ZNF529: variants seen among roughly 807,000 people sequenced by gnomAD.
The protein encoded by ZNF529 is zinc finger protein 529.
A neutral mutation model predicts 10.1 loss-of-function variants in ZNF529; 11 were observed. The observed-to-expected ratio is 1.09, with a 90% CI of 0.69 to 1.81. The LOEUF is 1.81. Among genes scored for constraint, ZNF529 ranks in the 40% most tolerant of loss-of-function variants. ZNF529 has a pLI of 0.00. For synonymous variants in ZNF529, 204 were observed against 215.7 expected (o/e 0.95, Z 0.47); for missense variants, 624 against 666.8 (o/e 0.94, Z 0.71).
At chr19:36,552,418 C>T (rs7343133) in intron 4 of ZNF529, among the ~76,000 whole-genome samples, 31,189 of 151,988 alleles carry the variant, frequency 0.21, 3,284 homozygotes, top group Middle Eastern at 0.25. Context: ...CAGAGCGAGA[C>T]TGTCTCAAAA....
intron 2 of ZNF529, among the ~76,000 whole-genome samples, chr19:36,558,967 A>T (rs938922742): frequency 2.0e-5 from 3 of 151,992 alleles, no homozygotes; most frequent in Admixed American, 2.0e-4. Context: ...AAAAATAAGC[A>T]AAGAACCTGA....
chr19:36,561,242 T>C (rs1472175807), intron 2 of ZNF529, among the ~76,000 whole-genome samples: 4 of 152,172 alleles, frequency 2.6e-5, no homozygotes, highest in Non-Finnish European at 5.9e-5. Context: ...GCTGCCGTAG[T>C]TGTGGCTCCA....
chr19:36,567,237 AATAGAGG>A (rs1368657116), intron 2 of ZNF529, among the ~76,000 whole-genome samples: 1 of 152,190 alleles, frequency 6.6e-6, no homozygotes, highest in Non-Finnish European at 1.5e-5. Flanking sequence ...AATCTAATGA[AATAGAGG>A]AAAGAACAGT....
At chr19:36,587,012 C>G (rs571253379) in intron 2 of ZNF529, among the ~76,000 whole-genome samples, 1 of 152,172 alleles carries the variant, frequency 6.6e-6, no homozygotes, top group Non-Finnish European at 1.5e-5. Context: ...CGCCGGTAAT[C>G]CCAACACTTT....
chr19:36,565,221 G>A (rs2145830756), intron 2 of ZNF529, among the ~76,000 whole-genome samples: 1 of 152,106 alleles, frequency 6.6e-6, no homozygotes, highest in Middle Eastern at 3.4e-3. Context: ...ACCTGCAAAT[G>A]TACCCCCTGA....
rs960720411 is a variant in ZNF529, at chr19:36,545,870, TG to T, written c.*995del. ...GAATGATAAATTTTAAGAGACTTACTGGGTGAGTAGTTTTATCAAATATTTA... is the reference window on the plus strand; with the variant it reads ...GAATGATAAATTTTAAGAGACTTACTGGTGAGTAGTTTTATCAAATATTTA... On this transcript the variant is annotated 3_prime_UTR_variant, in exon 5 of 5. Transcript: ENST00000591340. The T allele has an allele frequency of 3.3e-5, 5 of 152,004 alleles. No individual in the cohort carries two copies. The highest frequency in any genetic ancestry group is 7.4e-5 in the Non-Finnish European group (5 of 67,998). The allele number at this position is 152,004 out of a possible 1,614,324, so 9.4% of individuals were successfully genotyped here.
At chr19:36,554,824 G>T in intron 3 of ZNF529, 28 bp from the exon 4 acceptor site, 1 of 1,490,254 alleles carries the variant, frequency 6.7e-7, no homozygotes, top group Non-Finnish European at 9.0e-7. Context: ...TACATTACAG[G>T]TAAAATTTAA....
At position 36,548,196 on chromosome 19, in the gene ZNF529, T is replaced by C. The variant is rs779073459; in HGVS notation, c.362A>G (p.Asn121Ser). 33 of 1,613,924 alleles carry C rather than the reference T, an allele frequency of 2.0e-5. No individual in the cohort carries two copies. The highest frequency in any genetic ancestry group is 1.7e-4 in the Middle Eastern group (1 of 6,060). ...LCGLEGSIFR[N>S]DWQSKSKIDL... ...AATCTTGCTTTTGCTTTGCCAGTCATTTCTGAAAATGGAACCTTCAAGGCC... is the reference window on the plus strand; with the variant it reads ...AATCTTGCTTTTGCTTTGCCAGTCACTTCTGAAAATGGAACCTTCAAGGCC... The change falls in exon 5 of 5, where the codon AAT (asparagine) becomes AGT (serine). Residue 121 changes from asparagine (N) to serine (S), a missense_variant. By Grantham distance (46) the Asn-to-Ser change is conservative (BLOSUM62 1). Coordinates refer to ENST00000591340, the MANE Select transcript of ZNF529 (RefSeq NM_020951.5).
chr19:36,593,325 G>A (rs942293022), intron 1 of ZNF529, among the ~76,000 whole-genome samples: 1 of 152,028 alleles, frequency 6.6e-6, no homozygotes, highest in African/African-American at 2.4e-5. Context: ...ACAGGCATGC[G>A]CCACCTCACC....
At chr19:36,604,037 G>A (rs1323868580) in intron 1 of ZNF529, among the ~76,000 whole-genome samples, 1 of 152,052 alleles carries the variant, frequency 6.6e-6, no homozygotes, top group Non-Finnish European at 1.5e-5. Flanking sequence ...AAAATGAGCC[G>A]GGCATGGTGG....
chr19:36,603,126 C>T (rs946872345), intron 1 of ZNF529, among the ~76,000 whole-genome samples: 15 of 152,110 alleles, frequency 9.9e-5, no homozygotes, highest in Non-Finnish European at 2.1e-4. Context: ...ACCATTCAAA[C>T]GATCTCCTAT....
intron 2 of ZNF529, among the ~76,000 whole-genome samples, chr19:36,570,568 A>G (rs1411322404): frequency 6.6e-6 from 1 of 152,116 alleles, no homozygotes; most frequent in Non-Finnish European, 1.5e-5. Context: ...TGCCCTATGC[A>G]ACTTTTCCCT....
intron 2 of ZNF529, among the ~76,000 whole-genome samples, chr19:36,559,075 A>G (rs976405002): frequency 2.0e-5 from 3 of 152,162 alleles, no homozygotes; most frequent in Non-Finnish European, 4.4e-5. Context: ...CAAAACCACA[A>G]TGAAATATCA....
chr19:36,591,829 C>T (rs562924245), intron 1 of ZNF529, among the ~76,000 whole-genome samples: 188 of 152,026 alleles, frequency 1.2e-3, no homozygotes, highest in African/African-American at 4.4e-3. Flanking sequence ...ACAAATAATA[C>T]CAATCTTACA....
At position 36,547,300 on chromosome 19, in the gene ZNF529, T is replaced by A; in HGVS notation, c.1258A>T (p.Lys420Ter). The A allele has an allele frequency of 6.2e-7, 1 of 1,613,862 alleles. No individual in the cohort carries two copies. Among genetic ancestry groups the A allele is most frequent in the Non-Finnish European group, 8.5e-7 (1 of 1,179,890 alleles). The change falls in exon 5 of 5, where the codon AAA (lysine) becomes TAA (stop). Residue 420 changes from lysine (K) to a stop codon, truncating the protein, a stop_gained. Coordinates refer to ENST00000591340, the MANE Select transcript of ZNF529 (RefSeq NM_020951.5). LOFTEE classifies it low-confidence loss of function (END_TRUNC). ...TRHQRIHTGE[K>*]PYKCKECEKA... Reference sequence around the variant, plus strand: ...TCACATTCTTTACATTTATAGGGTTTTTCACCAGTATGAATCCTCTGATGT... The same window carrying A: ...TCACATTCTTTACATTTATAGGGTTATTCACCAGTATGAATCCTCTGATGT...
At chr19:36,574,815 T>G, upstream of ZNF529, 1 of 471,102 alleles carries the variant, frequency 2.1e-6, no homozygotes, top group South Asian at 1.6e-5. Context: ...TTTGGCATAT[T>G]TACAGGTTTT....
chr19:36,570,397 A>T (rs538289684), intron 2 of ZNF529, among the ~76,000 whole-genome samples: 79 of 151,922 alleles, frequency 5.2e-4, no homozygotes, highest in African/African-American at 1.7e-3. Context: ...GAAAAAAGAA[A>T]AAAGAAAACA....
At chr19:36,576,718 A>AAATAATAAT (rs141522986), upstream of ZNF529, among the ~76,000 whole-genome samples, 13 of 149,832 alleles carry the variant, frequency 8.7e-5, no homozygotes, top group East Asian at 2.0e-4. Flanking sequence ...CTCCGTCTCA[A>AAATAATAAT]AATAATAATA....
At chr19:36,573,615 G>C (rs892116659), upstream of ZNF529, 5 of 400,792 alleles carry the variant, frequency 1.2e-5, no homozygotes, top group Non-Finnish European at 2.7e-5. Flanking sequence ...GGGGAGGTGG[G>C]GGGCCGCGGA....
Sources: allele counts gnomAD v4.1 joint callset (sites outside exome capture counted in the v4.1 genomes callset), GRCh38; gene constraint gnomAD v4.1.1; transcripts MANE v1.5; gene names NCBI Gene and HGNC (gene_info 2026-07-23, HGNC 2026-07-21).